The following SCOC variants were observed in gnomAD, a reference collection of about 807,000 sequenced individuals.
SCOC encodes the protein short coiled coil protein.
Under a neutral mutation model 9.9 loss-of-function variants are expected in SCOC, and 7 were observed. That is an observed-to-expected ratio of 0.71 (90% confidence interval 0.40 to 1.33). SCOC has a LOEUF of 1.33. Ranked by LOEUF, SCOC falls within the 40% of genes most tolerant of loss-of-function variation. The pLI is 0.01. For synonymous variants in SCOC, 19 were observed against 28.2 expected (o/e 0.67, Z 1.03); for missense variants, 66 against 89.7 (o/e 0.74, Z 1.07).
intron 2 of SCOC, among the ~76,000 whole-genome samples, chr4:140,351,485 T>TA (rs1726976048): frequency 6.6e-6 from 1 of 152,170 alleles, no homozygotes; most frequent in Admixed American, 6.5e-5. Flanking sequence ...CTCTGCTCTC[T>TA]AAAACCTCTC....
At chr4:140,376,843 T>C (rs1037384703) in intron 1 of SCOC, 2 of 152,196 alleles carry the variant, frequency 1.3e-5, no homozygotes, top group African/African-American at 2.4e-5. Context: ...GTCTGAAACA[T>C]AAGCAAAAGA....
chr4:140,308,690 C>T (rs186347487), intron 1 of SCOC, among the ~76,000 whole-genome samples: 2 of 152,322 alleles, frequency 1.3e-5, no homozygotes, highest in Admixed American at 1.3e-4. Flanking sequence ...ATGCGTCATC[C>T]TCCTATATTT....
intron 2 of SCOC, chr4:140,343,779 T>C: frequency 1.8e-6 from 2 of 1,096,264 alleles, no homozygotes; most frequent in Non-Finnish European, 1.4e-6. Context: ...ATATAACTTT[T>C]ATTATTTTCA....
intron 1 of SCOC, among the ~76,000 whole-genome samples, chr4:140,328,499 T>G (rs1732715987): frequency 6.6e-6 from 1 of 152,182 alleles, no homozygotes; most frequent in Admixed American, 6.5e-5. Context: ...TTTAACAAAT[T>G]ATTCCTCACA....
At chr4:140,332,589 G>T (rs1732850557) in intron 1 of SCOC, among the ~76,000 whole-genome samples, 1 of 151,840 alleles carries the variant, frequency 6.6e-6, no homozygotes, top group African/African-American at 2.4e-5. Flanking sequence ...ATGTTGGCCG[G>T]GATGGTTTCG....
chr4:140,285,330 A>G (rs1268474858), intron 1 of SCOC: 3 of 454,864 alleles, frequency 6.6e-6, no homozygotes, highest in East Asian at 7.0e-5. Context: ...GTGGTAGAGC[A>G]TATCTTTGTC....
chr4:140,274,825 C>A (rs1730945037), intron 1 of SCOC, among the ~76,000 whole-genome samples: 1 of 152,236 alleles, frequency 6.6e-6, no homozygotes, highest in African/African-American at 2.4e-5. Flanking sequence ...AGCTTCTCGG[C>A]AATTCAGGAT....
chr4:140,326,602 A>G (rs6825404), intron 1 of SCOC, among the ~76,000 whole-genome samples: 27,314 of 151,690 alleles, frequency 0.18, 2,743 homozygotes, highest in African/African-American at 0.26. Flanking sequence ...CTGTAGGCCC[A>G]CGCTTTACAG....
chr4:140,355,230 T>TATATATATATATATATATG (rs1560716605), intron 2 of SCOC, among the ~76,000 whole-genome samples: 1 of 143,170 alleles, frequency 7.0e-6, no homozygotes, highest in African/African-American at 2.7e-5. Flanking sequence ...TATATATATA[T>TATATATATATATATATATG]ATATATATAT....
In SCOC at chr4:140,385,047, C is replaced by G. The variant is rs1728660558; in HGVS notation, c.*3943C>G. The G allele has an allele frequency of 6.6e-6, 1 of 152,294 alleles. No individual in the cohort carries two copies. The highest frequency in any genetic ancestry group is 2.4e-5 in the African/African-American group (1 of 41,558). The allele number at this position is 152,294 out of a possible 1,614,324, so 9.4% of individuals were successfully genotyped here. ...AGAAATAAATTTGTTTATAAGCCAC[C>G]CAGTCTATATTTTGTTATAGCATCC... On this transcript the variant is annotated 3_prime_UTR_variant, in exon 4 of 4. Coordinates refer to ENST00000608372, the MANE Select transcript of SCOC (RefSeq NM_001153484.2).
intron 1 of SCOC, among the ~76,000 whole-genome samples, chr4:140,308,505 A>G (rs1166711269): frequency 6.6e-6 from 1 of 152,190 alleles, no homozygotes; most frequent in African/African-American, 2.4e-5. Flanking sequence ...GACTGCGCTC[A>G]TGGCCTCAGA....
chr4:140,297,403 G>C (rs1010218895), intron 1 of SCOC, among the ~76,000 whole-genome samples: 3 of 152,126 alleles, frequency 2.0e-5, no homozygotes, highest in East Asian at 1.9e-4. Context: ...TCATAACACA[G>C]AGTTGGCTCT....
chr4:140,326,348 A>C (rs1188934739), intron 1 of SCOC, among the ~76,000 whole-genome samples: 6 of 152,214 alleles, frequency 3.9e-5, no homozygotes, highest in Non-Finnish European at 7.3e-5. Flanking sequence ...TTGAAAAAAA[A>C]ATCAACGAGG....
At chr4:140,293,055 G>T (rs550151867) in intron 1 of SCOC, among the ~76,000 whole-genome samples, 13 of 152,268 alleles carry the variant, frequency 8.5e-5, no homozygotes, top group Admixed American at 8.5e-4. Flanking sequence ...GGTTTCTCAC[G>T]ATTCCCCTGT....
In SCOC at chr4:140,384,923, C is replaced by T. The variant is rs1036786603; in HGVS notation, c.*3819C>T. 1 of 152,148 alleles carries T rather than the reference C, an allele frequency of 6.6e-6. No individual in the cohort carries two copies. The highest frequency in any genetic ancestry group is 1.5e-5 in the Non-Finnish European group (1 of 68,018). The allele number at this position is 152,148 out of a possible 1,614,324, so 9.4% of individuals were successfully genotyped here. Reference sequence around the variant, plus strand: ...AATGGGATTGTGTCATTAAAAGAAACCCCAGAGAGCTCTCTTTCTGCCACA... The same window carrying T: ...AATGGGATTGTGTCATTAAAAGAAATCCCAGAGAGCTCTCTTTCTGCCACA... On this transcript the variant is annotated 3_prime_UTR_variant, in exon 4 of 4. Transcript: ENST00000608372.
At chr4:140,331,580 T>C (rs1286206836) in intron 1 of SCOC, among the ~76,000 whole-genome samples, 1 of 152,174 alleles carries the variant, frequency 6.6e-6, no homozygotes, top group Non-Finnish European at 1.5e-5. Context: ...AATTTCCCCA[T>C]TTGGCTTCTA....
intron 2 of SCOC, among the ~76,000 whole-genome samples, chr4:140,367,755 GAGAATCAC>G (rs1727865364): frequency 6.6e-6 from 1 of 152,144 alleles, no homozygotes; most frequent in Non-Finnish European, 1.5e-5. Context: ...TTCGTGTTTA[GAGAATCAC>G]AGAATCACAA....
chr4:140,357,763 C>T (rs989534634), intron 2 of SCOC, among the ~76,000 whole-genome samples: 1 of 152,220 alleles, frequency 6.6e-6, no homozygotes. Context: ...CCTTTGCCAT[C>T]TCACTATACT....
At chr4:140,356,908 G>A (rs1727254084) in intron 2 of SCOC, among the ~76,000 whole-genome samples, 1 of 152,118 alleles carries the variant, frequency 6.6e-6, no homozygotes, top group Non-Finnish European at 1.5e-5. Flanking sequence ...ATAATCCTCA[G>A]TATATCCTTA....
Sources: allele counts gnomAD v4.1 joint callset (sites outside exome capture counted in the v4.1 genomes callset), GRCh38; gene constraint gnomAD v4.1.1; transcripts MANE v1.5; gene names NCBI Gene and HGNC (gene_info 2026-07-23, HGNC 2026-07-21).